SLC9C1: variants seen among roughly 807,000 people sequenced by gnomAD.
SLC9C1 encodes the protein sodium/hydrogen exchanger 10.
A neutral mutation model predicts 140.9 loss-of-function variants in SLC9C1; 97 were observed. That is an observed-to-expected ratio of 0.69 (90% CI 0.58 to 0.82). The LOEUF is 0.82. Ranked by LOEUF, SLC9C1 falls within the 40% of genes least tolerant of loss-of-function variation. The pLI is 0.00. For synonymous variants in SLC9C1, 440 were observed against 442.6 expected, an observed-to-expected ratio of 0.99 and a Z score of 0.07; for missense variants, 1,340 against 1,389.3, an observed-to-expected ratio of 0.96 and a Z score of 0.56.
intron 15 of SLC9C1, among the ~76,000 whole-genome samples, chr3:112,213,022 A>G (rs574184443): frequency 7.9e-4 from 120 of 152,364 alleles, no homozygotes; most frequent in Non-Finnish European, 1.6e-3. Flanking sequence ...CAGAAACTCT[A>G]CAAGGCAGAA....
intron 1 of SLC9C1, among the ~76,000 whole-genome samples, chr3:112,288,828 G>A (rs1322536155): frequency 2.0e-5 from 3 of 152,016 alleles, no homozygotes; most frequent in African/African-American, 4.8e-5. Flanking sequence ...CTGCTTGTAG[G>A]TTGAAAGACT....
intron 13 of SLC9C1, among the ~76,000 whole-genome samples, chr3:112,222,556 G>A (rs1230771163): frequency 6.6e-6 from 1 of 152,014 alleles, no homozygotes; most frequent in Non-Finnish European, 1.5e-5. Context: ...AATATCACAA[G>A]CGAAAAAGAG....
chr3:112,186,476 G>A lies in SLC9C1; in HGVS notation c.2524-4218C>T, dbSNP rs181209632. Reference sequence around the variant, plus strand: ...AAACAAAATTAAAACCTAATTAAGTGAAGATATATCATGTGAGTAGATCAA... The same window carrying A: ...AAACAAAATTAAAACCTAATTAAGTAAAGATATATCATGTGAGTAGATCAA... On this transcript the variant is annotated intron_variant, in intron 20 of 28. Coordinates refer to ENST00000305815, the MANE Select transcript of SLC9C1 (RefSeq NM_183061.3). Among the ~76,000 whole-genome samples, 333 of 152,192 alleles carry A rather than the reference G, an allele frequency of 2.2e-3. 4 individuals are homozygous for A. The highest frequency in any genetic ancestry group is 7.5e-3 in the African/African-American group (312 of 41,514).
intron 15 of SLC9C1, among the ~76,000 whole-genome samples, chr3:112,210,698 T>C (rs1560070493): frequency 6.6e-6 from 1 of 152,204 alleles, no homozygotes; most frequent in Non-Finnish European, 1.5e-5. Context: ...TTTTTATTCT[T>C]TAAGTAACTT....
intron 12 of SLC9C1, among the ~76,000 whole-genome samples, chr3:112,237,783 C>G (rs1489547693): frequency 6.7e-6 from 1 of 149,500 alleles, no homozygotes; most frequent in Non-Finnish European, 1.5e-5. Flanking sequence ...TGAATATTGG[C>G]CCCCACTCTG....
At chr3:112,225,278 C>A (rs1268295283) in intron 13 of SLC9C1, among the ~76,000 whole-genome samples, 1 of 152,080 alleles carries the variant, frequency 6.6e-6, no homozygotes, top group Non-Finnish European at 1.5e-5. Context: ...AATACTATAT[C>A]CAGAAAAGCT....
rs1359261205 is a variant in SLC9C1 at position 112,169,328 on chromosome 3, T to C, written c.2920A>G (p.Thr974Ala). The change falls in exon 24 of 29, where the codon ACA becomes GCA. Residue 974 changes from threonine (T) to alanine (A), a missense_variant and splice_region_variant. Coordinates refer to ENST00000305815, the MANE Select transcript of SLC9C1 (RefSeq NM_183061.3). ...YSATCKTVVE[T>A]CFIPKTHLYD... ...AAGTGAGTTTTGGGAATAAAACATG[T>C]CTGGAAAAGAAGGATGTAAATTTGA... is the stretch of plus-strand genomic sequence containing the variant. 6.2e-7 allele frequency: 1 copy of C among 1,603,480 alleles called. No homozygotes were observed. The highest frequency in any genetic ancestry group is 1.1e-5 in the South Asian group (1 of 88,926).
intron 22 of SLC9C1, 51 bp from the exon 23 acceptor site, chr3:112,179,752 T>C (rs2077404417): frequency 6.8e-7 from 1 of 1,460,950 alleles, no homozygotes; most frequent in South Asian, 1.5e-5. Context: ...TAACTTGTAT[T>C]ACCAAAACTA....
chr3:112,161,402 A>G (rs1409407718), intron 26 of SLC9C1, among the ~76,000 whole-genome samples: 2 of 152,170 alleles, frequency 1.3e-5, no homozygotes, highest in Non-Finnish European at 2.9e-5. Context: ...TTATGGTTTT[A>G]GGTCTAACGT....
chr3:112,160,080 G>C (rs2075248214), intron 26 of SLC9C1, among the ~76,000 whole-genome samples: 1 of 151,596 alleles, frequency 6.6e-6, no homozygotes, highest in South Asian at 2.1e-4. Context: ...CTACTAATAG[G>C]TAGGGACTTA....
Position 112,151,957 on chromosome 3 carries a change from C to A in SLC9C1, c.3424G>T (p.Ala1142Ser). ...QEERNVKEDG[A>S]HSAATARSPQ... Reference sequence around the variant, plus strand: ...CTCCTGGCAGTGGCGGCACTGTGTGCTCCATCCTGGGATTCAAAACACTTT... The same window carrying A: ...CTCCTGGCAGTGGCGGCACTGTGTGATCCATCCTGGGATTCAAAACACTTT... The change falls in exon 28 of 29, where the codon GCA becomes TCA. Residue 1142 changes from alanine (A) to serine (S), a missense_variant. Physicochemically the swap from Ala to Ser is moderately conservative, Grantham distance 99. Transcript: ENST00000305815. The A allele has an allele frequency of 6.3e-6, 10 of 1,589,650 alleles. No homozygotes were observed. The highest frequency in any genetic ancestry group is 8.5e-6 in the Non-Finnish European group (10 of 1,173,358).
intron 21 of SLC9C1, 102 bp downstream of exon 21, chr3:112,182,031 T>C (rs1162492650): frequency 2.1e-6 from 2 of 964,854 alleles, no homozygotes; most frequent in East Asian, 3.0e-5. Flanking sequence ...ATAAGGAACA[T>C]TTAGAGAATA....
intron 10 of SLC9C1, among the ~76,000 whole-genome samples, chr3:112,258,991 C>T (rs1167392670): frequency 6.6e-6 from 1 of 152,086 alleles, no homozygotes; most frequent in Admixed American, 6.6e-5. Context: ...ATCATGAGAA[C>T]AGTAAGGGGG....
rs1446431368 is a variant in SLC9C1, at chr3:112,179,682, C to T, written c.2768G>A (p.Gly923Asp). The T allele has an allele frequency of 6.2e-7, 1 of 1,602,602 alleles. No homozygotes were observed. Among genetic ancestry groups the T allele is most frequent in the Admixed American group, 1.7e-5 (1 of 57,686 alleles). Residue 923 changes from glycine (G) to aspartate (D), a missense_variant, in exon 23 of 29, where the codon GGT (glycine) becomes GAT (aspartate). Physicochemically the swap from Gly to Asp is moderately conservative, Grantham distance 94. Transcript: ENST00000305815. ...CTCCACCATTTGATCAATCCCTAAA[C>T]CTGGCTTTGATTTTTCAAGCTGTTC... Reference protein sequence around the residue: ...GMVKLEKSKPGLGIDQMVESK... With the variant: ...GMVKLEKSKPDLGIDQMVESK...
intron 20 of SLC9C1, among the ~76,000 whole-genome samples, chr3:112,198,284 T>C (rs1430682449): frequency 3.9e-5 from 6 of 151,994 alleles, no homozygotes; most frequent in African/African-American, 1.2e-4. Flanking sequence ...ATATTACTTT[T>C]ATTTCTGGAC....
intron 21 of SLC9C1, among the ~76,000 whole-genome samples, chr3:112,180,956 A>C (rs2077428263): frequency 1.3e-5 from 2 of 152,206 alleles, no homozygotes; most frequent in African/African-American, 2.4e-5. Flanking sequence ...GGGTTTCACC[A>C]CATTGGCCAG....
At chr3:112,246,284 G>C (rs1205050888) in intron 10 of SLC9C1, among the ~76,000 whole-genome samples, 1 of 152,074 alleles carries the variant, frequency 6.6e-6, no homozygotes, top group Non-Finnish European at 1.5e-5. Flanking sequence ...CTTTTGTAGA[G>C]TGTGGTACCA....
At chr3:112,219,375 T>G (rs1380268089) in intron 14 of SLC9C1, among the ~76,000 whole-genome samples, 1 of 152,214 alleles carries the variant, frequency 6.6e-6, no homozygotes, top group Non-Finnish European at 1.5e-5. Flanking sequence ...TTGCTAATAT[T>G]AATATTCCCT....
chr3:112,221,630 C>G (rs2078543375), intron 13 of SLC9C1, among the ~76,000 whole-genome samples: 1 of 152,044 alleles, frequency 6.6e-6, no homozygotes, highest in Admixed American at 6.6e-5. Flanking sequence ...AATATTTCCA[C>G]AACAGGGCTC....
Sources: allele counts gnomAD v4.1 joint callset (sites outside exome capture counted in the v4.1 genomes callset), GRCh38; gene constraint gnomAD v4.1.1; transcripts MANE v1.5; gene names NCBI Gene and HGNC (gene_info 2026-07-23, HGNC 2026-07-21).